The following UBE3A variants were observed in gnomAD, a reference collection of about 807,000 sequenced individuals.
The protein encoded by UBE3A is ubiquitin-protein ligase E3A.
In UBE3A, 6 loss-of-function variants were observed where a neutral mutation model predicts 83.4. The observed-to-expected ratio is 0.07, with a 90% confidence interval of 0.04 to 0.14. The LOEUF (loss-of-function observed/expected upper bound fraction) is 0.14, where lower values mean the gene tolerates loss of function less well. UBE3A is among the 10% of genes least tolerant of loss of function. UBE3A has a pLI of 1.00. For synonymous variants in UBE3A, 337 were observed against 355.4 expected (o/e 0.95, Z 0.58); for missense variants, 456 against 1,036.1 (o/e 0.44, Z 7.69).
At chr15:25,436,360 C>A (rs1895078638) in intron 1 of UBE3A, among the ~76,000 whole-genome samples, 1 of 152,106 alleles carries the variant, frequency 6.6e-6, no homozygotes, top group Non-Finnish European at 1.5e-5. Flanking sequence ...AATTATAAGT[C>A]TAAACAAAAT....
chr15:25,381,839 G>T (rs1383681036), intron 4 of UBE3A, among the ~76,000 whole-genome samples: 4 of 152,182 alleles, frequency 2.6e-5, no homozygotes, highest in East Asian at 1.9e-4. Flanking sequence ...ATGATGTAGG[G>T]TCTGTTACAA....
intron 11 of UBE3A, 124 bp downstream of exon 11, chr15:25,354,229 G>A (rs2152681279): frequency 1.3e-6 from 1 of 798,956 alleles, no homozygotes; most frequent in Middle Eastern, 3.5e-4. Flanking sequence ...ACAAATCTAA[G>A]TATATAGATG....
chr15:25,352,887 T>C (rs1359680439), intron 11 of UBE3A, among the ~76,000 whole-genome samples: 2 of 152,220 alleles, frequency 1.3e-5, no homozygotes, highest in South Asian at 2.1e-4. Context: ...CTTCAAATCA[T>C]ACATTTAAAA....
intron 1 of UBE3A, among the ~76,000 whole-genome samples, chr15:25,431,890 C>G (rs1285759632): frequency 6.6e-6 from 1 of 152,052 alleles, no homozygotes; most frequent in Non-Finnish European, 1.5e-5. Flanking sequence ...GTGCATATAA[C>G]CACAGAGGCA....
At chr15:25,385,051 G>C (rs768352214) in intron 4 of UBE3A, among the ~76,000 whole-genome samples, 2 of 152,182 alleles carry the variant, frequency 1.3e-5, no homozygotes, top group Non-Finnish European at 2.9e-5. Context: ...ACTTGGCAAT[G>C]ATTTCTTGAA....
chr15:25,351,583 C>A (rs1205438733), intron 11 of UBE3A, among the ~76,000 whole-genome samples: 1 of 152,206 alleles, frequency 6.6e-6, no homozygotes, highest in Non-Finnish European at 1.5e-5. Context: ...GATTCTCCTG[C>A]CTCAGCCTCC....
At chr15:25,374,770 G>A (rs1235362340) in intron 5 of UBE3A, 1 of 152,320 alleles carries the variant, frequency 6.6e-6, no homozygotes, top group Non-Finnish European at 1.5e-5. Context: ...AGAGTGGAGG[G>A]GCGCTAAGCC....
intron 4 of UBE3A, among the ~76,000 whole-genome samples, chr15:25,376,898 T>C (rs865788072): frequency 6.6e-6 from 1 of 152,260 alleles, no homozygotes; most frequent in Admixed American, 6.5e-5. Flanking sequence ...TGTAAGAAGT[T>C]AGATGACATT....
intron 5 of UBE3A, 45 bp downstream of exon 5, chr15:25,375,420 A>G: frequency 6.2e-7 from 1 of 1,601,004 alleles, no homozygotes; most frequent in Non-Finnish European, 8.5e-7. Flanking sequence ...AATCTCCCAC[A>G]TGGTTTTCAG....
chr15:25,411,597 A>ACAGCAGCAG (rs145204762), intron 2 of UBE3A, among the ~76,000 whole-genome samples: 1 of 152,074 alleles, frequency 6.6e-6, no homozygotes, highest in African/African-American at 2.4e-5. Context: ...CTCAAAAACA[A>ACAGCAGCAG]CAGCAGCAGC....
At chr15:25,344,115 C>G (rs1169476958) in intron 11 of UBE3A, among the ~76,000 whole-genome samples, 1 of 152,136 alleles carries the variant, frequency 6.6e-6, no homozygotes, top group East Asian at 1.9e-4. Flanking sequence ...AACAATTTAT[C>G]TTAATGATAC....
At chr15:25,380,474 G>T (rs182757044) in intron 4 of UBE3A, among the ~76,000 whole-genome samples, 1 of 151,890 alleles carries the variant, frequency 6.6e-6, no homozygotes, top group African/African-American at 2.4e-5. Context: ...CTAATCATTT[G>T]GCCTCTTAAC....
intron 11 of UBE3A, chr15:25,346,623 TTAC>T (rs1270025153): frequency 1.3e-5 from 2 of 152,106 alleles, no homozygotes; most frequent in East Asian, 3.9e-4. Flanking sequence ...TGACAAGCAA[TTAC>T]AAGTTCTACT....
intron 1 of UBE3A, among the ~76,000 whole-genome samples, chr15:25,426,370 T>C (rs992600409): frequency 6.6e-6 from 1 of 152,214 alleles, no homozygotes; most frequent in Non-Finnish European, 1.5e-5. Context: ...TTCCTCTGGG[T>C]TATTTTTACA....
chr15:25,403,429 T>C (rs1222765247), intron 4 of UBE3A, among the ~76,000 whole-genome samples: 2 of 152,080 alleles, frequency 1.3e-5, no homozygotes, highest in Non-Finnish European at 2.9e-5. Context: ...ATGACTACTA[T>C]TGAAGTACAC....
intron 3 of UBE3A, among the ~76,000 whole-genome samples, chr15:25,406,751 T>TAAAAAC (rs779547491): frequency 1.2e-4 from 17 of 141,696 alleles, no homozygotes; most frequent in East Asian, 2.1e-4. Context: ...ATTTCTTAGC[T>TAAAAAC]AAAAACAAAA....
chr15:25,388,439 T>C lies in UBE3A; in HGVS notation c.63-12676A>G, dbSNP rs200392267. On this transcript the variant is annotated intron_variant, in intron 4 of 12. Coordinates refer to ENST00000648336, the MANE Select transcript of UBE3A (RefSeq NM_130839.5). ...AACACCCACTCATGATAGAAACTAG[T>C]AAACTAGGAATAGAGGGAACACCTT... 2.6e-5 allele frequency among the ~76,000 whole-genome samples: 4 copies of C among 152,032 alleles called. No individual in the cohort carries two copies. The East Asian group carries it at 5.8e-4, about 22-fold the overall frequency.
Position 25,391,162 on chromosome 15 carries a change from TAAAAG to T in UBE3A, c.62+14294_62+14298del, listed in dbSNP as rs751218022. Among the ~76,000 whole-genome samples, 16 of 152,094 alleles carry T rather than the reference TAAAAG, an allele frequency of 1.1e-4. No individual in the cohort carries two copies. The East Asian group carries it at 2.1e-3, about 20-fold the overall frequency. On this transcript the variant is annotated intron_variant, in intron 4 of 12. Transcript: ENST00000648336. ...ATATATAACAAAATGTTATTCAGCCTAAAAGAAAAGAAAGAAATTCTGTAATATGC... is the reference window on the plus strand; with the variant it reads ...ATATATAACAAAATGTTATTCAGCCTAAAAGAAAGAAATTCTGTAATATGC...
chr15:25,338,635 AAT>A lies in UBE3A; in HGVS notation c.*500_*501del, dbSNP rs1346084917. ...GTTTCAAAAGCAAATCATTAAAAAAAATACAGTTCCTGATTTGAGTTAGATAC... is the reference window on the plus strand; with the variant it reads ...GTTTCAAAAGCAAATCATTAAAAAAAACAGTTCCTGATTTGAGTTAGATAC... On this transcript the variant is annotated 3_prime_UTR_variant, in exon 13 of 13. Coordinates refer to ENST00000648336, the MANE Select transcript of UBE3A (RefSeq NM_130839.5). 6.6e-6 allele frequency: 1 copy of A among 152,160 alleles called. No individual in the cohort carries two copies. The highest frequency in any genetic ancestry group is 2.4e-5 in the African/African-American group (1 of 41,430). The allele number at this position is 152,160 out of a possible 1,614,324, so 9.4% of individuals were successfully genotyped here.
Sources: allele counts gnomAD v4.1 joint callset (sites outside exome capture counted in the v4.1 genomes callset), GRCh38; gene constraint gnomAD v4.1.1; transcripts MANE v1.5; gene names NCBI Gene and HGNC (gene_info 2026-07-23, HGNC 2026-07-21).